Variants in SPAG16 observed in about 807,000 individuals in gnomAD.
The protein encoded by SPAG16 is sperm-associated antigen 16 protein.
In SPAG16, 86 loss-of-function variants were observed where a neutral mutation model predicts 80.4. The observed-to-expected ratio is 1.07, with a 90% confidence interval of 0.90 to 1.28. The LOEUF is 1.28. SPAG16 is among the 50% of genes most tolerant of loss of function. SPAG16 has a pLI of 0.00. For missense variants in SPAG16, 870 were observed against 765.3 expected (o/e 1.14, Z -1.61); for synonymous variants, 294 against 265.9 (o/e 1.11, Z -1.03).
At chr2:214,267,084 A>C (rs765381648) in intron 15 of SPAG16, among the ~76,000 whole-genome samples, 8 of 151,820 alleles carry the variant, frequency 5.3e-5, no homozygotes, top group Non-Finnish European at 1.2e-4. Context: ...TAGAAAAAAA[A>C]ATCCTAAAAT....
At chr2:214,059,314 C>T (rs1427908855) in intron 13 of SPAG16, among the ~76,000 whole-genome samples, 1 of 146,094 alleles carries the variant, frequency 6.8e-6, no homozygotes, top group Non-Finnish European at 1.5e-5. Flanking sequence ...CCTCAGACTT[C>T]TGAATGGTTG....
chr2:213,799,922 A>C (rs978066856), intron 10 of SPAG16, among the ~76,000 whole-genome samples: 1 of 151,316 alleles, frequency 6.6e-6, no homozygotes. Context: ...ATGCATGTGC[A>C]GTGTCTACCC....
intron 10 of SPAG16, among the ~76,000 whole-genome samples, chr2:213,530,497 CT>C (rs1559225340): frequency 1.3e-5 from 2 of 152,210 alleles, no homozygotes; most frequent in Non-Finnish European, 2.9e-5. Flanking sequence ...TTATATACAC[CT>C]TTAAAAAGTC....
At chr2:213,524,411 T>C (rs1011213260) in intron 10 of SPAG16, among the ~76,000 whole-genome samples, 2 of 152,062 alleles carry the variant, frequency 1.3e-5, no homozygotes, top group Non-Finnish European at 1.5e-5. Context: ...TGCTGCCTAG[T>C]GGAGCTGTGA....
chr2:214,371,306 G>A (rs1020333944), intron 15 of SPAG16, among the ~76,000 whole-genome samples: 1 of 152,062 alleles, frequency 6.6e-6, no homozygotes, highest in African/African-American at 2.4e-5. Flanking sequence ...GCCGAGGCGG[G>A]CAGATCACAT....
chr2:213,811,775 C>G (rs1260844272), intron 10 of SPAG16, among the ~76,000 whole-genome samples: 1 of 151,962 alleles, frequency 6.6e-6, no homozygotes, highest in African/African-American at 2.4e-5. Context: ...CTTTATGATC[C>G]TAACATAAAA....
chr2:213,516,788 T>G (rs1417098431), intron 10 of SPAG16, among the ~76,000 whole-genome samples: 3 of 152,222 alleles, frequency 2.0e-5, no homozygotes, highest in Non-Finnish European at 4.4e-5. Context: ...TTGAGAAATG[T>G]GTATATTTGA....
intron 9 of SPAG16, among the ~76,000 whole-genome samples, chr2:213,389,561 A>G (rs146553341): frequency 1.5e-4 from 23 of 152,278 alleles, no homozygotes; most frequent in Non-Finnish European, 5.9e-5. Flanking sequence ...AACAACAACA[A>G]AAAGTCCAAT....
chr2:214,333,856 A>G (rs1269235112), intron 15 of SPAG16, among the ~76,000 whole-genome samples: 1 of 152,212 alleles, frequency 6.6e-6, no homozygotes. Context: ...GCACTTATAA[A>G]TTCTAAATCT....
chr2:214,262,734 T>A (rs1329207399), intron 15 of SPAG16, among the ~76,000 whole-genome samples: 1 of 152,114 alleles, frequency 6.6e-6, no homozygotes, highest in Admixed American at 6.5e-5. Flanking sequence ...TTGATTCTAA[T>A]AAACAATGAA....
intron 9 of SPAG16, among the ~76,000 whole-genome samples, chr2:213,430,929 A>C (rs1487745782): frequency 6.6e-6 from 1 of 152,152 alleles, no homozygotes; most frequent in Non-Finnish European, 1.5e-5. Flanking sequence ...CTATTTTCAA[A>C]GTGCTTAAAG....
chr2:213,677,415 G>A (rs1178410066), intron 10 of SPAG16, among the ~76,000 whole-genome samples: 2 of 152,012 alleles, frequency 1.3e-5, no homozygotes, highest in Non-Finnish European at 2.9e-5. Flanking sequence ...ATAAAAGGAT[G>A]GAGGAAGATC....
At chr2:213,814,987 C>A (rs752018054) in intron 10 of SPAG16, among the ~76,000 whole-genome samples, 42 of 151,710 alleles carry the variant, frequency 2.8e-4, no homozygotes, top group Non-Finnish European at 5.4e-4. Context: ...AATTCTCACC[C>A]AATAATCAGC....
chr2:213,350,322 G>T (rs1244269613), intron 6 of SPAG16, among the ~76,000 whole-genome samples: 1 of 152,134 alleles, frequency 6.6e-6, no homozygotes, highest in Admixed American at 6.6e-5. Flanking sequence ...GACGTGATTT[G>T]CTCCCTCACT....
chr2:214,361,811 T>C (rs529170387), intron 15 of SPAG16, among the ~76,000 whole-genome samples: 2 of 152,040 alleles, frequency 1.3e-5, no homozygotes, highest in Admixed American at 1.3e-4. Flanking sequence ...TTACTTCACC[T>C]GTTTCCAATC....
chr2:213,802,674 A>T (rs2125642540), intron 10 of SPAG16, among the ~76,000 whole-genome samples: 1 of 152,302 alleles, frequency 6.6e-6, no homozygotes, highest in South Asian at 2.1e-4. Flanking sequence ...TAACATTAAG[A>T]GTATTCATGA....
chr2:213,806,210 A>G (rs1458151228), intron 10 of SPAG16, among the ~76,000 whole-genome samples: 3 of 152,202 alleles, frequency 2.0e-5, no homozygotes, highest in Non-Finnish European at 4.4e-5. Flanking sequence ...AAGTTTTTCA[A>G]GTGAAAGATG....
chr2:213,763,660 T>C (rs561552517), intron 10 of SPAG16, among the ~76,000 whole-genome samples: 4 of 73,650 alleles, frequency 5.4e-5, no homozygotes, highest in Admixed American at 2.5e-4. Flanking sequence ...TGGATCTCAT[T>C]TTTTTTTTAC....
chr2:214,410,487 ATAACTT>A lies in SPAG16; in HGVS notation c.*175_*180del. On this transcript the variant is annotated 3_prime_UTR_variant, in exon 16 of 16. Transcript: ENST00000331683. ...TGCTCATACTGTTACTAATAAAAAA[ATAACTT>A]TATGCTCACCCATTTGTGTCAGGGT... 1 of 505,340 alleles carries A rather than the reference ATAACTT, an allele frequency of 2.0e-6. No individual in the cohort carries two copies. 31.3% of individuals were successfully genotyped at this position (505,340 alleles called of 1,614,324 possible).
Sources: allele counts gnomAD v4.1 joint callset (sites outside exome capture counted in the v4.1 genomes callset), GRCh38; gene constraint gnomAD v4.1.1; transcripts MANE v1.5; gene names NCBI Gene and HGNC (gene_info 2026-07-23, HGNC 2026-07-21).